EGFL6: variants seen among roughly 807,000 people sequenced by gnomAD.
The protein encoded by EGFL6 is EGF like domain multiple 6, also known as epidermal growth factor-like protein 6.
A neutral mutation model predicts 43.1 loss-of-function variants in EGFL6; 42 were observed. The observed-to-expected ratio is 0.98, with a 90% confidence interval of 0.76 to 1.26. The LOEUF (loss-of-function observed/expected upper bound fraction) is 1.26, where lower values mean the gene tolerates loss of function less well. Ranked by LOEUF, EGFL6 falls within the 50% of genes most tolerant of loss-of-function variation. EGFL6 has a pLI of 0.00. For synonymous variants in EGFL6, 164 were observed against 163.2 expected (o/e 1.01, Z -0.04); for missense variants, 429 against 427.8 (o/e 1.00, Z -0.02).
intron 2 of EGFL6, among the ~76,000 whole-genome samples, chrX:13,591,418 T>C (rs1023452217): frequency 2.7e-5 from 3 of 111,349 alleles, no homozygotes; most frequent in Admixed American, 9.5e-5. Flanking sequence ...CTATGCAAGT[T>C]TTGCAAGCTG....
chrX:13,576,854 T>C (rs1026333013), intron 1 of EGFL6, among the ~76,000 whole-genome samples: 1 of 111,949 alleles, frequency 8.9e-6, no homozygotes, highest in Admixed American at 9.5e-5. Context: ...TTCCCAAGGA[T>C]GATTAAGTCA....
chrX:13,585,566 T>A (rs1251832073), intron 1 of EGFL6, among the ~76,000 whole-genome samples: 1 of 109,731 alleles, frequency 9.1e-6, no homozygotes, highest in Non-Finnish European at 1.9e-5. Context: ...TTATACTGAT[T>A]TTTTTTTTGG....
At chrX:13,626,973 TG>T in intron 10 of EGFL6, 37 bp from the exon 11 acceptor site, 1 of 1,192,077 alleles carries the variant, frequency 8.4e-7, no homozygotes, top group Non-Finnish European at 1.1e-6. Context: ...TCCTTACAAT[TG>T]CCTCATTAAT....
rs199572733 is a variant in EGFL6 at position 13,584,822 on chromosome X, T to TTGAA, written c.75-4716_75-4713dup. 5.6e-3 allele frequency among the ~76,000 whole-genome samples: 629 copies of TTGAA among 111,733 alleles called. 2 individuals are homozygous for TTGAA. Among genetic ancestry groups the TTGAA allele is most frequent in the African/African-American group, 0.019 (584 of 30,743 alleles). On this transcript the variant is annotated intron_variant, in intron 1 of 11. Coordinates refer to ENST00000361306, the MANE Select transcript of EGFL6 (RefSeq NM_015507.4). ...ATTATAGGCACTCAATAAATACTTG[T>TTGAA]TGAATGAATGAATGAATGAATCACT... is the stretch of plus-strand genomic sequence containing the variant.
At chrX:13,572,939 A>G (rs1192841889) in intron 1 of EGFL6, among the ~76,000 whole-genome samples, 5 of 112,466 alleles carry the variant, frequency 4.4e-5, no homozygotes. Context: ...TGGAGGCTCC[A>G]GGGAGGTTCC....
At position 13,589,612 on chromosome X, in the gene EGFL6, G is replaced by C. The variant is rs1303496292; in HGVS notation, c.131G>C (p.Gly44Ala). ...CGTCAGCCTGGGGTCTGTCACTATG[G>C]AACTAAACTGGCCTGCTGCTACGGC... is the stretch of plus-strand genomic sequence containing the variant. ...SARQPGVCHYGTKLACCYGWR... is the reference protein window; with the variant it reads ...SARQPGVCHYATKLACCYGWR... Residue 44 changes from glycine to alanine, a missense_variant, in exon 2 of 12, where the codon GGA becomes GCA. Physicochemically the swap from Gly to Ala is moderately conservative, Grantham distance 60. Coordinates refer to ENST00000361306, the MANE Select transcript of EGFL6 (RefSeq NM_015507.4). The C allele has an allele frequency of 1.7e-6, 2 of 1,209,599 alleles. No individual in the cohort carries two copies. The highest frequency in any genetic ancestry group is 3.5e-5 in the African/African-American group (2 of 57,126).
chrX:13,587,473 A>C (rs760422523), intron 1 of EGFL6, among the ~76,000 whole-genome samples: 1 of 111,517 alleles, frequency 9.0e-6, no homozygotes, highest in East Asian at 2.8e-4. Flanking sequence ...AGTATTTACC[A>C]TTTCTATGTG....
At chrX:13,589,436 T>G in intron 1 of EGFL6, 120 bp from the exon 2 acceptor site, 1 of 533,036 alleles carries the variant, frequency 1.9e-6, no homozygotes, top group Non-Finnish European at 2.8e-6. Context: ...ATTTAGCACT[T>G]ACTGCGGGTT....
chrX:13,581,196 TC>T lies in EGFL6; in HGVS notation c.75-8357del, dbSNP rs1339502365. Among the ~76,000 whole-genome samples the T allele has an allele frequency of 6.2e-5, 7 of 112,030 alleles. No homozygotes were observed. In the East Asian group the frequency reaches 8.4e-4, roughly 13 times the overall value. On this transcript the variant is annotated intron_variant, in intron 1 of 11. Transcript: ENST00000361306. ...AACTTTTGCCTGAAGTTTACTACTATCCCTACCAGTCATGGCATTAGAAATT... is the reference window on the plus strand; with the variant it reads ...AACTTTTGCCTGAAGTTTACTACTATCCTACCAGTCATGGCATTAGAAATT...
chrX:13,569,743 G>T lies in EGFL6; in HGVS notation c.-119G>T. The T allele has an allele frequency of 4.3e-6, 3 of 696,456 alleles. No individual in the cohort carries two copies. The highest frequency in any genetic ancestry group is 3.3e-5 in the East Asian group (1 of 30,282). The allele number at this position is 696,456 out of a possible 1,213,427, so 57.4% of individuals were successfully genotyped here. ...TGCAGGGACAGCACCCGGTAACTGC[G>T]AGTGGAGCGGAGGACCCGAGCGGCT... On this transcript the variant is annotated 5_prime_UTR_variant, in exon 1 of 12. Coordinates refer to ENST00000361306, the MANE Select transcript of EGFL6 (RefSeq NM_015507.4).
At chrX:13,593,351 A>G (rs1483116402) in intron 2 of EGFL6, among the ~76,000 whole-genome samples, 1 of 112,001 alleles carries the variant, frequency 8.9e-6, no homozygotes, top group African/African-American at 3.2e-5. Context: ...GTCGTGTCTG[A>G]CATAAAGTTT....
In EGFL6 at chrX:13,627,361, T is replaced by C. The variant is rs1448715332; in HGVS notation, c.1551+85T>C. 40 of 1,092,746 alleles carry C rather than the reference T, an allele frequency of 3.7e-5. 1 individual carries two copies. The South Asian group carries it at 8.6e-4, about 24-fold the overall frequency. The allele number at this position is 1,092,746 out of a possible 1,213,427, so 90.1% of individuals were successfully genotyped here. Reference sequence around the variant, plus strand: ...ATGAAACAAAACATTTACTGAAGTATGTAGGCATTAAGGATACAACGATAA... The same window carrying C: ...ATGAAACAAAACATTTACTGAAGTACGTAGGCATTAAGGATACAACGATAA... On this transcript the variant is annotated intron_variant, in intron 11 of 11. Transcript: ENST00000361306.
At chrX:13,628,746 G>C (rs954671540) in intron 11 of EGFL6, among the ~76,000 whole-genome samples, 8 of 111,939 alleles carry the variant, frequency 7.1e-5, no homozygotes, top group Admixed American at 2.8e-4. Context: ...GGCGGAGGTT[G>C]CAGTGAGCCG....
At chrX:13,612,074 A>G (rs1383454737) in intron 7 of EGFL6, among the ~76,000 whole-genome samples, 1 of 109,354 alleles carries the variant, frequency 9.1e-6, no homozygotes, top group East Asian at 2.8e-4. Flanking sequence ...TTTATTGATC[A>G]TTCTTGGGTG....
chrX:13,577,688 A>G (rs1234835102), intron 1 of EGFL6, among the ~76,000 whole-genome samples: 2 of 111,720 alleles, frequency 1.8e-5, no homozygotes, highest in Admixed American at 1.9e-4. Context: ...ATGGATAGAT[A>G]CATACCTGCA....
At chrX:13,583,203 A>C (rs1205298900) in intron 1 of EGFL6, among the ~76,000 whole-genome samples, 2 of 110,408 alleles carry the variant, frequency 1.8e-5, no homozygotes. Context: ...TTTTCAGGCC[A>C]CCAACTCCCC....
At chrX:13,617,602 G>T in intron 7 of EGFL6, 128 bp from the exon 8 acceptor site, 1 of 539,433 alleles carries the variant, frequency 1.9e-6, no homozygotes, top group South Asian at 3.3e-5. Flanking sequence ...TCATCAAATA[G>T]TAGAGCCTCA....
At position 13,598,784 on chromosome X, in the gene EGFL6, G is replaced by A. The variant is rs182442285; in HGVS notation, c.281-1191G>A. On this transcript the variant is annotated intron_variant, in intron 3 of 11. Transcript: ENST00000361306. ...ACGTAACATCCTGTGAACGTCATAT[G>A]TATATATTTCATATATATATAATTC... 2.2e-3 allele frequency among the ~76,000 whole-genome samples: 226 copies of A among 103,541 alleles called. 3 individuals are homozygous for A. In the East Asian group the frequency reaches 0.046, roughly 21 times the overall value. The allele number at this position is 103,541 out of a possible 115,157, so 89.9% of individuals were successfully genotyped here.
intron 1 of EGFL6, among the ~76,000 whole-genome samples, chrX:13,570,989 G>A (rs1332021886): frequency 1.8e-5 from 2 of 110,872 alleles, no homozygotes; most frequent in Admixed American, 9.6e-5. Flanking sequence ...TTGACCTTTC[G>A]GGCTGGGCTG....
Sources: gnomAD v4.1 joint callset for allele counts (sites outside exome capture counted in the v4.1 genomes callset) on GRCh38, gnomAD v4.1.1 for gene constraint, MANE v1.5 for transcripts, NCBI Gene and HGNC (gene_info 2026-07-23, HGNC 2026-07-21) for gene names.